Variants in MMD2 observed in about 807,000 individuals in gnomAD.
MMD2 encodes the protein monocyte to macrophage differentiation factor 2.
A neutral mutation model predicts 33.5 loss-of-function variants in MMD2; 30 were observed. The ratio of observed to expected loss-of-function variants is 0.90; its 90% CI spans 0.67 to 1.22. The LOEUF is 1.22. Ranked by LOEUF, MMD2 falls within the 50% of genes most tolerant of loss-of-function variation. MMD2 has a pLI of 0.00. For synonymous variants in MMD2, 129 were observed against 123.0 expected (o/e 1.05, Z -0.32); for missense variants, 364 against 325.4 (o/e 1.12, Z -0.91).
the MMD2 span, among the ~76,000 whole-genome samples, chr7:4,892,303 C>G: frequency 6.6e-6 from 1 of 151,998 alleles, no homozygotes; most frequent in African/African-American, 2.4e-5. Context: ...AAAAATAAAT[C>G]AAGGCCGGGC....
chr7:4,918,374 G>T (rs920607671), intron 3 of MMD2, among the ~76,000 whole-genome samples: 1 of 152,148 alleles, frequency 6.6e-6, no homozygotes, highest in African/African-American at 2.4e-5. Flanking sequence ...AAAGGGAGTG[G>T]CATATAGCTT....
chr7:4,908,707 GC>G (rs1440281645), intron 6 of MMD2, among the ~76,000 whole-genome samples: 1 of 151,476 alleles, frequency 6.6e-6, no homozygotes, highest in Non-Finnish European at 1.5e-5. Flanking sequence ...GACCAGCCTG[GC>G]CAACATAGTG....
At chr7:4,938,430 G>A (rs928827880) in intron 1 of MMD2, among the ~76,000 whole-genome samples, 9 of 152,068 alleles carry the variant, frequency 5.9e-5, no homozygotes, top group African/African-American at 1.9e-4. Context: ...GGGGCATCCC[G>A]TGGTGAGGGG....
At chr7:4,939,379 A>C (rs1378450430) in intron 1 of MMD2, among the ~76,000 whole-genome samples, 2 of 152,208 alleles carry the variant, frequency 1.3e-5, no homozygotes, top group East Asian at 3.9e-4. Context: ...TCTCTACAAA[A>C]AAAAAACTTA....
the MMD2 span, among the ~76,000 whole-genome samples, chr7:4,898,424 T>G: frequency 6.6e-6 from 1 of 152,194 alleles, no homozygotes; most frequent in Admixed American, 6.6e-5. Context: ...TTAGACGCAC[T>G]CATGGGTCAT....
the MMD2 span, among the ~76,000 whole-genome samples, chr7:4,895,431 T>C: frequency 6.6e-6 from 1 of 152,120 alleles, no homozygotes. Context: ...AAATGGCAAT[T>C]ATTTGGCGGG....
chr7:4,905,020 G>T (rs1784843281), downstream of MMD2, among the ~76,000 whole-genome samples: 1 of 152,126 alleles, frequency 6.6e-6, no homozygotes, highest in African/African-American at 2.4e-5. This position sits in a 1 kb window ranked among gnomAD's most constrained non-coding sequence, Gnocchi z 5.0. Context: ...ATGGACAAGG[G>T]GATCAACAGT....
chr7:4,950,303 G>A (rs376711420), intron 1 of MMD2, among the ~76,000 whole-genome samples: 2 of 152,040 alleles, frequency 1.3e-5, no homozygotes, highest in African/African-American at 4.8e-5. Context: ...TCTCCACGTT[G>A]GTCAGTCTGG....
At chr7:4,947,605 G>A (rs369603422) in intron 1 of MMD2, among the ~76,000 whole-genome samples, 25 of 151,020 alleles carry the variant, frequency 1.7e-4, no homozygotes, top group South Asian at 1.0e-3. Flanking sequence ...ATGTTAGCCA[G>A]GATGGTCTCA....
intron 2 of MMD2, among the ~76,000 whole-genome samples, chr7:4,921,740 A>G (rs1785290979): frequency 6.6e-6 from 1 of 151,996 alleles, no homozygotes; most frequent in Non-Finnish European, 1.5e-5. Flanking sequence ...CAAAGGAAAG[A>G]GGTATCCCGC....
intron 1 of MMD2, among the ~76,000 whole-genome samples, chr7:4,934,557 G>A (rs1352759335): frequency 6.6e-6 from 1 of 152,192 alleles, no homozygotes; most frequent in East Asian, 1.9e-4. Context: ...AAGGAGGGAA[G>A]TGGCCTTTTC....
intron 4 of MMD2, among the ~76,000 whole-genome samples, chr7:4,914,051 T>A (rs949122243): frequency 2.6e-5 from 4 of 152,178 alleles, no homozygotes; most frequent in African/African-American, 9.7e-5. Flanking sequence ...AGTGGCACAA[T>A]CATAGCTCAC....
At chr7:4,936,713 CA>C (rs1267860029) in intron 1 of MMD2, among the ~76,000 whole-genome samples, 2 of 151,834 alleles carry the variant, frequency 1.3e-5, no homozygotes, top group African/African-American at 4.8e-5. Context: ...TAAAATTATA[CA>C]GGAAATGTTT....
intron 1 of MMD2, among the ~76,000 whole-genome samples, chr7:4,926,535 G>A (rs922783896): frequency 2.0e-5 from 3 of 151,992 alleles, no homozygotes; most frequent in Admixed American, 2.0e-4. Context: ...TCACCCCCAA[G>A]AAAGTGCCCA....
rs1025964798 is a variant in MMD2 at position 4,946,089 on chromosome 7, GCACA to G, written c.47+12878_47+12881del. Among the ~76,000 whole-genome samples, 3 of 150,044 alleles carry G rather than the reference GCACA, an allele frequency of 2.0e-5. No individual in the cohort carries two copies. Among genetic ancestry groups the G allele is most frequent in the African/African-American group, 2.5e-5 (1 of 40,626 alleles). ...CACACTCACACGCACGCACACGCACGCACACACACGCATGCACACGCGCACACGC... is the reference window on the plus strand; with the variant it reads ...CACACTCACACGCACGCACACGCACGCACACGCATGCACACGCGCACACGC... On this transcript the variant is annotated intron_variant, in intron 1 of 6. Coordinates refer to ENST00000401401, the MANE Select transcript of MMD2 (RefSeq NM_198403.4). This position sits in a 1 kb window ranked among gnomAD's most constrained non-coding sequence, Gnocchi z 5.0.
At chr7:4,895,599 A>C in the MMD2 span, among the ~76,000 whole-genome samples, 1 of 151,264 alleles carries the variant, frequency 6.6e-6, no homozygotes, top group African/African-American at 2.4e-5. Flanking sequence ...TGCAGTGGCG[A>C]GATTTCAGCT....
chr7:4,896,870 C>G, the MMD2 span, among the ~76,000 whole-genome samples: 10 of 150,788 alleles, frequency 6.6e-5, no homozygotes, highest in Admixed American at 6.6e-4. Flanking sequence ...CTTTTCTTTT[C>G]TTTTTTTGAG....
intron 6 of MMD2, among the ~76,000 whole-genome samples, chr7:4,908,267 G>C (rs149681120): frequency 2.1e-4 from 31 of 148,858 alleles, no homozygotes; most frequent in African/African-American, 6.9e-4. Flanking sequence ...TCAGCCTCCC[G>C]AGTAGCTGGG....
chr7:4,920,116 G>A, intron 3 of MMD2, 55 bp downstream of exon 3: 1 of 1,529,830 alleles, frequency 6.5e-7, no homozygotes, highest in Non-Finnish European at 8.8e-7. Context: ...GGCTGCCATG[G>A]GTCCCCCTGC....
Sources: gnomAD v4.1 joint callset for allele counts (sites outside exome capture counted in the v4.1 genomes callset) on GRCh38, gnomAD v4.1.1 for gene constraint, Gnocchi (gnomAD v3.1) non-coding constraint, MANE v1.5 for transcripts, NCBI Gene and HGNC (gene_info 2026-07-23, HGNC 2026-07-21) for gene names.